Variants in ASNS observed in about 807,000 individuals in gnomAD.
The protein encoded by ASNS is asparagine synthetase [glutamine-hydrolyzing].
Under a neutral mutation model 62.6 loss-of-function variants are expected in ASNS, and 37 were observed. The ratio of observed to expected loss-of-function variants is 0.59; its 90% CI spans 0.45 to 0.78. ASNS has a LOEUF of 0.78. Ranked by LOEUF, ASNS falls within the 30% of genes least tolerant of loss-of-function variation. The pLI is 0.00. For synonymous variants in ASNS, 207 were observed against 237.9 expected (o/e 0.87, Z 1.19); for missense variants, 520 against 682.4 (o/e 0.76, Z 2.65).
chr7:97,910,124 C>T, the ASNS span, among the ~76,000 whole-genome samples: 5,147 of 152,248 alleles, frequency 0.034, 120 homozygotes, highest in Non-Finnish European at 0.052. Flanking sequence ...AGTTCCCAAC[C>T]CAGCTCCCAG....
the ASNS span, among the ~76,000 whole-genome samples, chr7:97,910,875 C>T: frequency 6.6e-6 from 1 of 152,196 alleles, no homozygotes; most frequent in Non-Finnish European, 1.5e-5. Context: ...GCTGGGATTA[C>T]AGATGTGAGC....
At chr7:97,927,910 TGCAGCCCACG>T in the ASNS span, among the ~76,000 whole-genome samples, 10 of 152,384 alleles carry the variant, frequency 6.6e-5, no homozygotes, top group African/African-American at 2.4e-4. Flanking sequence ...GGGGCTCTGA[TGCAGCCCACG>T]GCGAGGAGGG....
the ASNS span, among the ~76,000 whole-genome samples, chr7:97,926,434 A>T: frequency 6.6e-6 from 1 of 152,154 alleles, no homozygotes. Context: ...GTTCTTCTTG[A>T]TCCACTCAGA....
chr7:97,891,849 T>C, the ASNS span, among the ~76,000 whole-genome samples: 2 of 152,300 alleles, frequency 1.3e-5, no homozygotes, highest in African/African-American at 4.8e-5. Flanking sequence ...GCATTGAGTG[T>C]CTGCAGCTTT....
chr7:97,897,869 G>T, the ASNS span, among the ~76,000 whole-genome samples: 3 of 152,116 alleles, frequency 2.0e-5, no homozygotes, highest in African/African-American at 7.2e-5. Context: ...TCAATCAATG[G>T]ATGAATGGAT....
Position 97,861,877 on chromosome 7 carries a change from A to C in ASNS, c.487+2382T>G, listed in dbSNP as rs182798934. ...ATAGTTTTCAGAGTACAAGTTTTAC[A>C]CTTCTTAAATTTATTTCTAAGTATT... On this transcript the variant is annotated intron_variant, in intron 4 of 12. Coordinates refer to ENST00000394308, the MANE Select transcript of ASNS (RefSeq NM_001673.5). Among the ~76,000 whole-genome samples the C allele has an allele frequency of 2.0e-3, 302 of 152,322 alleles. 1 individual carries two copies. The highest frequency in any genetic ancestry group is 6.6e-3 in the African/African-American group (275 of 41,568).
the ASNS span, among the ~76,000 whole-genome samples, chr7:97,894,536 G>A: frequency 7.5e-6 from 1 of 132,704 alleles, no homozygotes; most frequent in Admixed American, 7.3e-5. Flanking sequence ...AAATGAAAAA[G>A]GAGACATTAC....
the ASNS span, among the ~76,000 whole-genome samples, chr7:97,918,717 G>A: frequency 6.6e-6 from 1 of 152,148 alleles, no homozygotes; most frequent in Admixed American, 6.5e-5. Flanking sequence ...TCATAAGTGG[G>A]AGTTGAAAAA....
At chr7:97,855,600 G>C in intron 8 of ASNS, 141 bp from the exon 9 acceptor site, 1 of 517,752 alleles carries the variant, frequency 1.9e-6, no homozygotes. Flanking sequence ...CCACAATAAT[G>C]ACCTTGTATT....
the ASNS span, among the ~76,000 whole-genome samples, chr7:97,921,350 A>T: frequency 6.6e-6 from 1 of 152,202 alleles, no homozygotes; most frequent in African/African-American, 2.4e-5. Context: ...TGCAGGCCAT[A>T]GGTCTCTGTC....
chr7:97,859,420 T>C, intron 4 of ASNS, 22 bp from the exon 5 acceptor site: 1 of 1,573,262 alleles, frequency 6.4e-7, no homozygotes, highest in Non-Finnish European at 8.6e-7. Context: ...CAATGATACC[T>C]TTATTCAAAT....
At chr7:97,906,243 CCCACCACCACCA>C in the ASNS span, among the ~76,000 whole-genome samples, 9 of 151,858 alleles carry the variant, frequency 5.9e-5, no homozygotes, top group East Asian at 7.7e-4. Context: ...CTACCAGTTT[CCCACCACCACCA>C]CCACCACCAC....
At chr7:97,882,222 C>T in the ASNS span, among the ~76,000 whole-genome samples, 315 of 152,138 alleles carry the variant, frequency 2.1e-3, 1 homozygote, top group South Asian at 0.011. Context: ...CAGTGGGACA[C>T]CCCGGAGTTA....
chr7:97,924,358 T>C, the ASNS span, among the ~76,000 whole-genome samples: 2 of 152,346 alleles, frequency 1.3e-5, no homozygotes, highest in East Asian at 3.9e-4. Flanking sequence ...CTCAGGAGCC[T>C]GCCTCACAAA....
intron 1 of ASNS, among the ~76,000 whole-genome samples, chr7:97,871,100 A>G (rs1259205271): frequency 6.6e-6 from 1 of 152,228 alleles, no homozygotes; most frequent in East Asian, 1.9e-4. Flanking sequence ...TAGCCCCATT[A>G]AAAGAAAAAG....
upstream of ASNS, among the ~76,000 whole-genome samples, chr7:97,875,583 C>G (rs6945774): frequency 6.6e-6 from 1 of 152,290 alleles, no homozygotes; most frequent in South Asian, 2.1e-4. Context: ...TCAGGGGAAA[C>G]GGAATGTGGT....
chr7:97,903,362 G>A, the ASNS span, among the ~76,000 whole-genome samples: 8 of 151,468 alleles, frequency 5.3e-5, no homozygotes, highest in East Asian at 3.9e-4. Flanking sequence ...CTCAAGAACC[G>A]GAGATCCCCA....
At chr7:97,920,372 C>T in the ASNS span, among the ~76,000 whole-genome samples, 1 of 152,134 alleles carries the variant, frequency 6.6e-6, no homozygotes, top group African/African-American at 2.4e-5. Context: ...CGTCCTGCCC[C>T]CCTCCAGAGC....
At chr7:97,889,188 C>T in the ASNS span, among the ~76,000 whole-genome samples, 1 of 152,140 alleles carries the variant, frequency 6.6e-6, no homozygotes, top group African/African-American at 2.4e-5. Context: ...TCCTGGCATC[C>T]CCATCCTCAG....
Sources: allele counts gnomAD v4.1 joint callset (sites outside exome capture counted in the v4.1 genomes callset), GRCh38; gene constraint gnomAD v4.1.1; transcripts MANE v1.5; gene names NCBI Gene and HGNC (gene_info 2026-07-23, HGNC 2026-07-21).